The following ZNF676 variants were observed in gnomAD, a reference collection of about 807,000 sequenced individuals.
ZNF676 encodes the protein zinc finger protein 676.
ZNF676 carries 4 observed loss-of-function variants against 6.0 expected under a neutral mutation model. The ratio of observed to expected loss-of-function variants is 0.67; its 90% CI spans 0.33 to 1.53. ZNF676 has a LOEUF of 1.53. Among genes scored for constraint, ZNF676 ranks in the 40% most tolerant of loss-of-function variants. ZNF676 has a pLI of 0.06. For missense variants in ZNF676, 644 were observed against 679.7 expected (o/e 0.95, Z 0.58); for synonymous variants, 198 against 223.1 (o/e 0.89, Z 1.00).
At position 22,180,099 on chromosome 19, in the gene ZNF676, T is replaced by C. The variant is rs2023709557; in HGVS notation, c.1618A>G (p.Lys540Glu). The change falls in exon 3 of 3, where the codon AAA (lysine) becomes GAA (glutamate). Residue 540 changes from lysine to glutamate, a missense_variant. Transcript: ENST00000397121. ...EKPYKCEECG[K>E]AFSRSSSLTR... is the part of the protein sequence containing the mutation. Reference sequence around the variant, plus strand: ...AGGCTTGAGGATCTGCTGAAGGCTTTGCCACATTCTTCACATTTGTAGGGT... The same window carrying C: ...AGGCTTGAGGATCTGCTGAAGGCTTCGCCACATTCTTCACATTTGTAGGGT... 6.2e-7 allele frequency: 1 copy of C among 1,613,894 alleles called. No homozygotes were observed. Among genetic ancestry groups the C allele is most frequent in the South Asian group, 1.1e-5 (1 of 91,084 alleles).
At chr19:22,248,774 G>A in the ZNF676 span, among the ~76,000 whole-genome samples, 2 of 152,092 alleles carry the variant, frequency 1.3e-5, no homozygotes, top group Non-Finnish European at 2.9e-5. Flanking sequence ...TTGTTGTCAG[G>A]GCTGGAGTGC....
At chr19:22,232,177 C>CTTTTCT in the ZNF676 span, among the ~76,000 whole-genome samples, 1 of 146,536 alleles carries the variant, frequency 6.8e-6, no homozygotes, top group African/African-American at 2.5e-5. Flanking sequence ...CTTTTCTTTT[C>CTTTTCT]TTTTTTTTTT....
chr19:22,223,396 T>A, the ZNF676 span, among the ~76,000 whole-genome samples: 1 of 152,186 alleles, frequency 6.6e-6, no homozygotes, highest in African/African-American at 2.4e-5. Flanking sequence ...TCAACCTGAA[T>A]GTTTTATGTA....
chr19:22,226,205 TG>T, the ZNF676 span, among the ~76,000 whole-genome samples: 1 of 152,162 alleles, frequency 6.6e-6, no homozygotes, highest in Non-Finnish European at 1.5e-5. Flanking sequence ...ATGGCAGCTT[TG>T]TGGAAGATCA....
chr19:22,239,286 C>T, the ZNF676 span, among the ~76,000 whole-genome samples: 2 of 150,838 alleles, frequency 1.3e-5, no homozygotes, highest in African/African-American at 4.9e-5. Flanking sequence ...ACTGCAACTC[C>T]TGCCTCAGCC....
chr19:22,229,935 T>C, the ZNF676 span, among the ~76,000 whole-genome samples: 1 of 152,084 alleles, frequency 6.6e-6, no homozygotes, highest in African/African-American at 2.4e-5. Context: ...TGGAAGACAA[T>C]GTGACAATTC....
chr19:22,182,593 A>AAAAAACAAAAAAAAC (rs1555773386), intron 2 of ZNF676, among the ~76,000 whole-genome samples: 1 of 90,930 alleles, frequency 1.1e-5, no homozygotes, highest in Non-Finnish European at 2.1e-5. Context: ...TCTAAAAAAA[A>AAAAAACAAAAAAAAC]AAAAAAAAAG....
upstream of ZNF676, among the ~76,000 whole-genome samples, chr19:22,215,899 T>C (rs969546514): frequency 2.6e-5 from 4 of 151,852 alleles, no homozygotes; most frequent in Non-Finnish European, 5.9e-5. Flanking sequence ...TGACAGAAGA[T>C]GTGATCAGAT....
intron 1 of ZNF676, 55 bp downstream of exon 1, chr19:22,196,545 A>G: frequency 6.2e-7 from 1 of 1,612,860 alleles, no homozygotes; most frequent in Non-Finnish European, 8.5e-7. Context: ...TAAGGTCTGC[A>G]GCAAAATGAA....
chr19:22,196,743 A>T lies in ZNF676; in HGVS notation c.-110T>A. ...CAATGCTCCCTGGAAAACACACACA[A>T]ACACATATATTTACCAATTGGTCAT... On this transcript the variant is annotated 5_prime_UTR_variant, in exon 1 of 3. It adds an upstream start codon to the 5' untranslated region. Coordinates refer to ENST00000397121, the MANE Select transcript of ZNF676 (RefSeq NM_001001411.3). 1 of 1,587,542 alleles carries T rather than the reference A, an allele frequency of 6.3e-7. No individual in the cohort carries two copies. The highest frequency in any genetic ancestry group is 2.2e-5 in the East Asian group (1 of 44,700).
At chr19:22,253,378 A>ATATATATATATATGATAATGTGTG in the ZNF676 span, among the ~76,000 whole-genome samples, 10 of 91,324 alleles carry the variant, frequency 1.1e-4, no homozygotes, top group African/African-American at 5.6e-4. Flanking sequence ...GTGTGTATAT[A>ATATATATATATATGATAATGTGTG]TATATATATA....
chr19:22,256,455 A>G, the ZNF676 span, among the ~76,000 whole-genome samples: 2 of 152,030 alleles, frequency 1.3e-5, no homozygotes, highest in Admixed American at 6.5e-5. Context: ...ATATGTCACA[A>G]TGCTCCCTTT....
chr19:22,253,909 T>A, the ZNF676 span, among the ~76,000 whole-genome samples: 1 of 152,082 alleles, frequency 6.6e-6, no homozygotes, highest in Non-Finnish European at 1.5e-5. Flanking sequence ...AAAATAGTAG[T>A]CTTTTATGAC....
the ZNF676 span, among the ~76,000 whole-genome samples, chr19:22,233,205 G>A: frequency 3.3e-5 from 5 of 152,128 alleles, no homozygotes; most frequent in East Asian, 1.9e-4. Context: ...AGTAGAGGCC[G>A]GGTTTCGCCA....
At chr19:22,214,218 T>A (rs924503380) in intron 1 of ZNF676, among the ~76,000 whole-genome samples, 1 of 152,076 alleles carries the variant, frequency 6.6e-6, no homozygotes, top group African/African-American at 2.4e-5. Flanking sequence ...TTGGGACACA[T>A]GTGAAAAATG....
chr19:22,191,946 C>T (rs189969902), intron 2 of ZNF676, among the ~76,000 whole-genome samples: 20 of 152,280 alleles, frequency 1.3e-4, no homozygotes, highest in African/African-American at 4.1e-4. Context: ...ACTGACAATG[C>T]TTCTATCTTA....
At chr19:22,215,794 C>T (rs2024179163), upstream of ZNF676, 1 of 713,316 alleles carries the variant, frequency 1.4e-6, no homozygotes, top group Non-Finnish European at 2.1e-6. Context: ...GGAAGCCGAC[C>T]TGTCCCCCCC....
In ZNF676 at chr19:22,181,159, A is replaced by G; in HGVS notation, c.558T>C (p.Tyr186=). Residue 186 remains tyrosine, a synonymous_variant, in exon 3 of 3, where the codon TAT becomes TAC. Transcript: ENST00000397121. The part of the protein sequence containing the change: ...KAFNWSSTLT[Y]YKSIHTGEKP... Reference sequence around the variant, plus strand: ...TCTCTCCAGTATGAATACTCTTATAATAAGTAAGGGTTGAGGACCAGTTAA... The same window carrying G: ...TCTCTCCAGTATGAATACTCTTATAGTAAGTAAGGGTTGAGGACCAGTTAA... 6.2e-7 allele frequency: 1 copy of G among 1,613,462 alleles called. No individual in the cohort carries two copies. Among genetic ancestry groups the G allele is most frequent in the Non-Finnish European group, 8.5e-7 (1 of 1,179,836 alleles).
At chr19:22,213,270 A>G (rs2024148758) in intron 1 of ZNF676, among the ~76,000 whole-genome samples, 1 of 151,898 alleles carries the variant, frequency 6.6e-6, no homozygotes, top group Admixed American at 6.6e-5. Flanking sequence ...TTGGAGTGCT[A>G]TTTTTTTCCA....
Sources: allele counts gnomAD v4.1 joint callset (sites outside exome capture counted in the v4.1 genomes callset), GRCh38; gene constraint gnomAD v4.1.1; transcripts MANE v1.5; gene names NCBI Gene and HGNC (gene_info 2026-07-23, HGNC 2026-07-21).